SORCS2: variants seen among roughly 807,000 people sequenced by gnomAD.
The protein encoded by SORCS2 is sortilin related VPS10 domain containing receptor 2, also known as VPS10 domain-containing receptor SorCS2.
In SORCS2, 100 loss-of-function variants were observed where a neutral mutation model predicts 141.6. The observed-to-expected ratio is 0.71, with a 90% CI of 0.60 to 0.83. SORCS2 has a LOEUF of 0.83. Ranked by LOEUF, SORCS2 falls within the 40% of genes least tolerant of loss-of-function variation. SORCS2 has a pLI of 0.00. For missense variants in SORCS2, 1,646 were observed against 1,560.2 expected, an observed-to-expected ratio of 1.05 and a Z score of -0.93; for synonymous variants, 789 against 676.9, an observed-to-expected ratio of 1.17 and a Z score of -2.57.
At chr4:7,496,458 G>GTCCCCCC (rs1560332416) in intron 2 of SORCS2, among the ~76,000 whole-genome samples, 1 of 33,398 alleles carries the variant, frequency 3.0e-5, no homozygotes, top group African/African-American at 1.0e-4. Context: ...CCCGTTCCCC[G>GTCCCCCC]TCCCCCGTCC....
rs145090533 is a variant in SORCS2 at position 7,588,402 on chromosome 4, C to T, written c.649-49926C>T. Among the ~76,000 whole-genome samples the T allele has an allele frequency of 6.4e-3, 967 of 152,266 alleles. 11 individuals are homozygous for T. Among genetic ancestry groups the T allele is most frequent in the African/African-American group, 0.022 (928 of 41,544 alleles). ...AGGTGTCCTCTTGTAATTGGAAATC[C>T]CTACATTTCTCCTTGGGGGCTGGGT... On this transcript the variant is annotated intron_variant, in intron 3 of 26. Coordinates refer to ENST00000507866, the MANE Select transcript of SORCS2 (RefSeq NM_020777.3).
chr4:7,273,054 C>G (rs528221214), intron 1 of SORCS2, among the ~76,000 whole-genome samples: 1 of 152,362 alleles, frequency 6.6e-6, no homozygotes, highest in East Asian at 1.9e-4. Context: ...GCTGCTACCT[C>G]TCCATGTGCC....
At chr4:7,338,276 TTGGATGGAAGGA>T (rs1262162979) in intron 1 of SORCS2, among the ~76,000 whole-genome samples, 1 of 133,756 alleles carries the variant, frequency 7.5e-6, no homozygotes, top group Non-Finnish European at 1.6e-5. Context: ...TGGATGTCGG[TTGGATGGAAGGA>T]TGGATGGATG....
At chr4:7,675,218 C>T (rs749961842) in intron 8 of SORCS2, among the ~76,000 whole-genome samples, 1 of 152,230 alleles carries the variant, frequency 6.6e-6, no homozygotes, top group South Asian at 2.1e-4. Context: ...GGGCTGAACC[C>T]GAAGCGCTGA....
intron 4 of SORCS2, among the ~76,000 whole-genome samples, chr4:7,640,171 GGTGA>G (rs1369700714): frequency 1.6e-5 from 2 of 127,842 alleles, no homozygotes; most frequent in Non-Finnish European, 3.3e-5. Flanking sequence ...GGCATGTGTG[GGTGA>G]GTGTGAGAGC....
intron 2 of SORCS2, among the ~76,000 whole-genome samples, chr4:7,406,067 C>T (rs953884661): frequency 1.3e-5 from 2 of 151,974 alleles, no homozygotes; most frequent in Non-Finnish European, 2.9e-5. Flanking sequence ...ATATGTTAAA[C>T]CATCATTGTA....
intron 2 of SORCS2, among the ~76,000 whole-genome samples, chr4:7,520,337 G>C (rs1356329126): frequency 6.6e-6 from 1 of 152,242 alleles, no homozygotes; most frequent in Non-Finnish European, 1.5e-5. Context: ...TGCAGTCAGT[G>C]AGACACAGTT....
intron 14 of SORCS2, among the ~76,000 whole-genome samples, chr4:7,711,361 A>T (rs1725815732): frequency 6.6e-6 from 1 of 152,176 alleles, no homozygotes; most frequent in Non-Finnish European, 1.5e-5. Context: ...CCTCCCTAGA[A>T]TGGGGTTGTC....
chr4:7,374,616 A>T (rs147396070), intron 1 of SORCS2, among the ~76,000 whole-genome samples: 1 of 152,188 alleles, frequency 6.6e-6, no homozygotes, highest in Non-Finnish European at 1.5e-5. Context: ...CCTTGCCCCC[A>T]TCCTTCCCGA....
intron 1 of SORCS2, among the ~76,000 whole-genome samples, chr4:7,253,947 G>T (rs549492018): frequency 6.6e-6 from 1 of 152,346 alleles, no homozygotes; most frequent in South Asian, 2.1e-4. Flanking sequence ...CTTCATCAGA[G>T]AAATCCAAAT....
intron 17 of SORCS2, among the ~76,000 whole-genome samples, chr4:7,717,587 C>G (rs1024210120): frequency 7.2e-5 from 11 of 152,210 alleles, no homozygotes; most frequent in Non-Finnish European, 1.5e-4. Flanking sequence ...GTTACGGCCA[C>G]ACTGTGAGCC....
chr4:7,677,166 G>T (rs10017018), intron 9 of SORCS2, among the ~76,000 whole-genome samples: 1 of 152,056 alleles, frequency 6.6e-6, no homozygotes, highest in African/African-American at 2.4e-5. Context: ...CTCAGTTGCC[G>T]TCTGAGCTCA....
rs373260837 is a variant in SORCS2, at chr4:7,433,731, C to T, written c.548+37376C>T. On this transcript the variant is annotated intron_variant, in intron 2 of 26. Coordinates refer to ENST00000507866, the MANE Select transcript of SORCS2 (RefSeq NM_020777.3). ...GGTTCTCCGCGTCCCACTCTGGGGA[C>T]GGCACGATGGCATAGGCATCATGGA... The T allele has an allele frequency of 1.6e-4, 255 of 1,613,200 alleles. No homozygotes were observed. The African/African-American group carries it at 2.5e-3, about 16-fold the overall frequency.
At chr4:7,602,077 C>G (rs2108794199) in intron 3 of SORCS2, among the ~76,000 whole-genome samples, 1 of 152,362 alleles carries the variant, frequency 6.6e-6, no homozygotes, top group African/African-American at 2.4e-5. Flanking sequence ...TCTTTCTACA[C>G]AGACACAGCA....
At chr4:7,206,432 T>C (rs888778730) in intron 1 of SORCS2, among the ~76,000 whole-genome samples, 1 of 152,152 alleles carries the variant, frequency 6.6e-6, no homozygotes, top group African/African-American at 2.4e-5. Context: ...GTCGAGTCCC[T>C]CTGTCCTCGC....
At chr4:7,374,061 A>G (rs1012649648) in intron 1 of SORCS2, among the ~76,000 whole-genome samples, 2 of 151,864 alleles carry the variant, frequency 1.3e-5, no homozygotes, top group Non-Finnish European at 2.9e-5. Flanking sequence ...TAGGTCTAGG[A>G]TCCCTTTTAA....
rs762737133 is a variant in SORCS2, at chr4:7,663,523, G to A, written c.953-830G>A. On this transcript the variant is annotated intron_variant, in intron 6 of 26. Coordinates refer to ENST00000507866, the MANE Select transcript of SORCS2 (RefSeq NM_020777.3). The surrounding 1 kb of genome is among the most constrained non-coding windows in gnomAD (Gnocchi z 4.8). ...GCTCAGGAGGGCTTGGCAGTGGCCT[G>A]GTGCTGCTGCCCACGTACCCTCTGT... Among the ~76,000 whole-genome samples the A allele has an allele frequency of 3.3e-5, 5 of 152,242 alleles. No homozygotes were observed. The highest frequency in any genetic ancestry group is 7.3e-5 in the Non-Finnish European group (5 of 68,050).
At chr4:7,434,572 G>T in intron 2 of SORCS2, 1 of 1,613,562 alleles carries the variant, frequency 6.2e-7, no homozygotes, top group Non-Finnish European at 8.5e-7. Context: ...TCCGGCTGAA[G>T]ACTCCTGGCT....
chr4:7,619,493 C>G (rs1719005372), intron 3 of SORCS2, among the ~76,000 whole-genome samples: 1 of 152,162 alleles, frequency 6.6e-6, no homozygotes, highest in African/African-American at 2.4e-5. Context: ...CTCTTCAGTC[C>G]ACACTCAGGG....
Sources: gnomAD v4.1 joint callset for allele counts (sites outside exome capture counted in the v4.1 genomes callset) on GRCh38, gnomAD v4.1.1 for gene constraint, Gnocchi (gnomAD v3.1) non-coding constraint, MANE v1.5 for transcripts, NCBI Gene and HGNC (gene_info 2026-07-23, HGNC 2026-07-21) for gene names.